HNF4G: variants seen among roughly 807,000 people sequenced by gnomAD.
HNF4G encodes the protein hepatocyte nuclear factor 4 gamma.
Under a neutral mutation model 50.9 loss-of-function variants are expected in HNF4G, and 21 were observed. The observed-to-expected ratio is 0.41, with a 90% CI of 0.29 to 0.59. The LOEUF (loss-of-function observed/expected upper bound fraction) is 0.59, where lower values mean the gene tolerates loss of function less well. Ranked by LOEUF, HNF4G falls within the 20% of genes least tolerant of loss-of-function variation. The pLI, the probability that HNF4G is intolerant of heterozygous loss-of-function variation, is 0.26. For synonymous variants in HNF4G, 198 were observed against 185.6 expected, an observed-to-expected ratio of 1.07 and a Z score of -0.54; for missense variants, 527 against 559.4, an observed-to-expected ratio of 0.94 and a Z score of 0.58.
chr8:75,509,637 C>T (rs575276861), intron 2 of HNF4G, among the ~76,000 whole-genome samples: 12 of 152,224 alleles, frequency 7.9e-5, no homozygotes, highest in South Asian at 2.1e-4. Context: ...AACACAGTCA[C>T]GTGATGTATA....
intron 2 of HNF4G, among the ~76,000 whole-genome samples, chr8:75,505,444 T>A (rs1396324151): frequency 6.6e-6 from 1 of 152,152 alleles, no homozygotes; most frequent in East Asian, 1.9e-4. Context: ...TTCTACATCA[T>A]TCTTTAACCC....
At chr8:75,422,919 T>G (rs1810806515) in intron 1 of HNF4G, among the ~76,000 whole-genome samples, 1 of 152,220 alleles carries the variant, frequency 6.6e-6, no homozygotes, top group Non-Finnish European at 1.5e-5. Flanking sequence ...CAGCATTAAT[T>G]CATTTAGTCC....
rs1206287594 is a variant in HNF4G, at chr8:75,521,871, TC to T, written c.-23-21934del. On this transcript the variant is annotated intron_variant, in intron 2 of 10. Coordinates refer to the HNF4G transcript ENST00000354370. ...ATCTTACACTTTTGTATGTCTCCATTCCCCCCACACACAGTCCTTGCCTTAC... is the reference window on the plus strand; with the variant it reads ...ATCTTACACTTTTGTATGTCTCCATTCCCCCACACACAGTCCTTGCCTTAC... 9.9e-5 allele frequency among the ~76,000 whole-genome samples: 15 copies of T among 152,110 alleles called. 1 individual carries two copies. The South Asian group carries it at 2.9e-3, about 29-fold the overall frequency.
At chr8:75,518,381 T>C (rs989939842) in intron 2 of HNF4G, among the ~76,000 whole-genome samples, 6 of 152,050 alleles carry the variant, frequency 3.9e-5, no homozygotes, top group African/African-American at 1.4e-4. Flanking sequence ...ACACTGTTGG[T>C]GGGACTGCAA....
chr8:75,427,787 C>A (rs2130508813), intron 1 of HNF4G, among the ~76,000 whole-genome samples: 1 of 151,888 alleles, frequency 6.6e-6, no homozygotes, highest in South Asian at 2.1e-4. Flanking sequence ...AATTTATATA[C>A]TAGCCCTATA....
At chr8:75,562,638 C>A (rs1807347522) in intron 9 of HNF4G, among the ~76,000 whole-genome samples, 2 of 152,240 alleles carry the variant, frequency 1.3e-5, no homozygotes, top group South Asian at 2.1e-4. Flanking sequence ...TGGTTGAATA[C>A]TTTTTAAGGG....
intron 1 of HNF4G, among the ~76,000 whole-genome samples, chr8:75,453,041 AATC>A (rs1811623573): frequency 1.3e-5 from 2 of 152,222 alleles, no homozygotes; most frequent in South Asian, 4.1e-4. Context: ...AGAGAATAGC[AATC>A]ATGTCAGGCC....
chr8:75,467,554 G>A (rs1468491899), intron 1 of HNF4G, among the ~76,000 whole-genome samples: 1 of 152,064 alleles, frequency 6.6e-6, no homozygotes, highest in Non-Finnish European at 1.5e-5. Context: ...CAACTACTGG[G>A]GAGGCTGAGA....
intron 2 of HNF4G, among the ~76,000 whole-genome samples, chr8:75,510,713 G>A (rs1024678161): frequency 3.9e-5 from 6 of 152,004 alleles, no homozygotes; most frequent in Non-Finnish European, 1.5e-5. Flanking sequence ...TACCATCTAG[G>A]TTTGTGTAAT....
intron 1 of HNF4G, among the ~76,000 whole-genome samples, chr8:75,441,386 C>T (rs1273279864): frequency 1.3e-5 from 2 of 151,946 alleles, no homozygotes; most frequent in Non-Finnish European, 2.9e-5. Flanking sequence ...GCTGGGACTG[C>T]AGGTGTGCGC....
intron 1 of HNF4G, among the ~76,000 whole-genome samples, chr8:75,418,193 G>C (rs76422212): frequency 0.015 from 2,280 of 152,134 alleles, 28 homozygotes; most frequent in Middle Eastern, 0.034. Flanking sequence ...TCATGTGGCC[G>C]CCCCTAGATT....
rs188613552 is a variant in HNF4G, at chr8:75,426,651, C to T, written c.-144+18489C>T. Among the ~76,000 whole-genome samples, 358 of 151,992 alleles carry T rather than the reference C, an allele frequency of 2.4e-3. 1 individual carries two copies. Among genetic ancestry groups the T allele is most frequent in the Non-Finnish European group, 4.0e-3 (271 of 67,970 alleles). On this transcript the variant is annotated intron_variant, in intron 1 of 10. Transcript: ENST00000354370. ...AGACCAGACAATGTTTCCATTATTG[C>T]AATTTTTATTTATTGGAGGATAAAA...
intron 2 of HNF4G, among the ~76,000 whole-genome samples, chr8:75,503,096 A>G (rs1204849262): frequency 6.6e-6 from 1 of 152,222 alleles, no homozygotes; most frequent in Admixed American, 6.5e-5. Context: ...AAAAGAGATT[A>G]CTTTTCATAT....
chr8:75,549,336 A>C (rs1243098448), intron 3 of HNF4G, among the ~76,000 whole-genome samples: 1 of 152,204 alleles, frequency 6.6e-6, no homozygotes, highest in Non-Finnish European at 1.5e-5. Context: ...AATATCTTTT[A>C]GCATTTTTCT....
chr8:75,470,486 G>A (rs1396110417), intron 1 of HNF4G, among the ~76,000 whole-genome samples: 1 of 151,986 alleles, frequency 6.6e-6, no homozygotes, highest in Non-Finnish European at 1.5e-5. Context: ...ATTCCTTTAA[G>A]GATCATCATT....
At chr8:75,520,133 G>T (rs960566875) in intron 2 of HNF4G, among the ~76,000 whole-genome samples, 2 of 151,834 alleles carry the variant, frequency 1.3e-5, no homozygotes, top group Non-Finnish European at 2.9e-5. Flanking sequence ...TTGAATAAAT[G>T]AATTAATAAG....
In HNF4G at chr8:75,425,135, G is replaced by A. The variant is rs551015983; in HGVS notation, c.-144+16973G>A. 2.6e-5 allele frequency among the ~76,000 whole-genome samples: 4 copies of A among 151,278 alleles called. No individual in the cohort carries two copies. In the East Asian group the frequency reaches 7.8e-4, roughly 29 times the overall value. Reference sequence around the variant, plus strand: ...GAGTCTCGCTCAGCCACCTGGGCTGGAGTGCAGTGGTGCAATCTCGGCTCA... The same window carrying A: ...GAGTCTCGCTCAGCCACCTGGGCTGAAGTGCAGTGGTGCAATCTCGGCTCA... On this transcript the variant is annotated intron_variant, in intron 1 of 10. Transcript: ENST00000354370.
intron 1 of HNF4G, among the ~76,000 whole-genome samples, chr8:75,417,175 T>C (rs1810661840): frequency 6.6e-6 from 1 of 152,164 alleles, no homozygotes; most frequent in South Asian, 2.1e-4. Flanking sequence ...CATTCTGTTA[T>C]TTTTATTTTT....
intron 1 of HNF4G, among the ~76,000 whole-genome samples, chr8:75,477,981 GA>G (rs541425030): frequency 2.7e-5 from 4 of 149,822 alleles, no homozygotes; most frequent in Admixed American, 6.6e-5. Context: ...AAAGAAAAAA[GA>G]AAAAAAATTA....
Sources: gnomAD v4.1 joint callset for allele counts (sites outside exome capture counted in the v4.1 genomes callset) on GRCh38, gnomAD v4.1.1 for gene constraint, MANE v1.5 for transcripts, NCBI Gene and HGNC (gene_info 2026-07-23, HGNC 2026-07-21) for gene names.